Variants in NCALD observed in about 807,000 individuals in gnomAD.
The protein encoded by NCALD is neurocalcin delta.
Under a neutral mutation model 18.6 loss-of-function variants are expected in NCALD, and 10 were observed. That is an observed-to-expected ratio of 0.54 (90% CI 0.33 to 0.91). The LOEUF (loss-of-function observed/expected upper bound fraction) is 0.91, where lower values mean the gene tolerates loss of function less well. NCALD is among the 40% of genes least tolerant of loss of function. The probability of loss-of-function intolerance (pLI) is 0.03; values close to 1 mark genes in which losing one functional copy is unlikely to be tolerated. For missense variants in NCALD, 184 were observed against 247.6 expected (o/e 0.74, Z 1.72); for synonymous variants, 88 against 87.4 (o/e 1.01, Z -0.04).
chr8:102,092,643 T>C lies in NCALD; in HGVS notation c.-210+31594A>G, dbSNP rs188342493. Among the ~76,000 whole-genome samples the C allele has an allele frequency of 3.2e-3, 495 of 152,342 alleles. 10 individuals are homozygous for C. The highest frequency in any genetic ancestry group is 1.1e-3 in the Non-Finnish European group (76 of 68,030). ...ATCCTGTCACAGCAACAAGCCTTTTTTCATGCTCCTCCCACATTGACCTTC... is the reference window on the plus strand; with the variant it reads ...ATCCTGTCACAGCAACAAGCCTTTTCTCATGCTCCTCCCACATTGACCTTC... On this transcript the variant is annotated intron_variant, in intron 1 of 6. Transcript: ENST00000311028.
In NCALD at chr8:102,117,007, G is replaced by A. The variant is rs538501084; in HGVS notation, c.-210+7230C>T. On this transcript the variant is annotated intron_variant, in intron 1 of 6. Coordinates refer to the NCALD transcript ENST00000311028. ...AGCAGGAAGCAATGTGACGTGCAGC[G>A]CAGCTCTAGTGATGCAACCTCATGC... Among the ~76,000 whole-genome samples, 22 of 152,290 alleles carry A rather than the reference G, an allele frequency of 1.4e-4. No individual in the cohort carries two copies. The East Asian group carries it at 3.9e-3, about 27-fold the overall frequency.
intron 2 of NCALD, among the ~76,000 whole-genome samples, chr8:101,974,295 T>G (rs1820344195): frequency 6.6e-6 from 1 of 152,198 alleles, no homozygotes; most frequent in African/African-American, 2.4e-5. Context: ...CTTTTTAAAT[T>G]TTATGATCTT....
intron 1 of NCALD, among the ~76,000 whole-genome samples, chr8:101,760,729 G>C (rs527315874): frequency 1.0e-3 from 152 of 152,266 alleles, no homozygotes; most frequent in African/African-American, 3.3e-3. Context: ...CTTGCCATAA[G>C]CAGTAGTAAT....
chr8:101,985,576 CAAAG>C (rs1820778010), intron 2 of NCALD, among the ~76,000 whole-genome samples: 1 of 152,110 alleles, frequency 6.6e-6, no homozygotes, highest in Non-Finnish European at 1.5e-5. Context: ...CTAAATATAA[CAAAG>C]AAAAGCAGTT....
chr8:101,702,257 G>T (rs904136531), intron 2 of NCALD, among the ~76,000 whole-genome samples: 6 of 151,448 alleles, frequency 4.0e-5, no homozygotes, highest in African/African-American at 7.3e-5. Context: ...TTGAGACAGG[G>T]TCTCACTCTG....
At chr8:101,828,941 G>T (rs540239739) in intron 4 of NCALD, among the ~76,000 whole-genome samples, 4 of 150,502 alleles carry the variant, frequency 2.7e-5, no homozygotes, top group Non-Finnish European at 5.9e-5. Flanking sequence ...GGGTGGGTGG[G>T]TGGACAGAAG....
intron 2 of NCALD, among the ~76,000 whole-genome samples, chr8:101,989,651 G>A (rs112933588): frequency 0.011 from 1,631 of 152,246 alleles, 6 homozygotes; most frequent in African/African-American, 0.016. Flanking sequence ...TTAGATTGAC[G>A]GACTATAGCC....
At chr8:101,836,918 T>C (rs1417934046) in intron 4 of NCALD, among the ~76,000 whole-genome samples, 1 of 152,238 alleles carries the variant, frequency 6.6e-6, no homozygotes, top group Non-Finnish European at 1.5e-5. Context: ...TCTTGATAGA[T>C]TCTAAATAAG....
chr8:101,932,527 C>T (rs1467859906), intron 2 of NCALD, among the ~76,000 whole-genome samples: 1 of 152,162 alleles, frequency 6.6e-6, no homozygotes, highest in Non-Finnish European at 1.5e-5. Context: ...GCAAGCTGTG[C>T]AAATGAAGGA....
At chr8:101,745,689 T>C (rs962326975) in intron 1 of NCALD, 3 of 152,244 alleles carry the variant, frequency 2.0e-5, no homozygotes, top group Non-Finnish European at 4.4e-5. Context: ...CGTCTCTAAC[T>C]CATCCAAGGG....
chr8:101,971,235 T>A (rs952017131), intron 2 of NCALD, among the ~76,000 whole-genome samples: 1 of 152,080 alleles, frequency 6.6e-6, no homozygotes, highest in African/African-American at 2.4e-5. Context: ...GCACGAGATG[T>A]CAGTGTGTAT....
chr8:101,806,228 G>C (rs1171839265), intron 4 of NCALD, among the ~76,000 whole-genome samples: 1 of 152,060 alleles, frequency 6.6e-6, no homozygotes, highest in Non-Finnish European at 1.5e-5. Context: ...CTCCAGAGAA[G>C]AGAGAAGAAT....
At chr8:101,719,762 A>G (rs1473915533) in intron 1 of NCALD, 114 bp from the exon 2 acceptor site, 6 of 971,608 alleles carry the variant, frequency 6.2e-6, no homozygotes, top group Non-Finnish European at 8.8e-6. Flanking sequence ...TAAACTCTAT[A>G]CGAGTCCAGT....
At chr8:101,907,056 T>C (rs73280899) in intron 3 of NCALD, among the ~76,000 whole-genome samples, 7,034 of 152,314 alleles carry the variant, frequency 0.046, 262 homozygotes, top group African/African-American at 0.1. Flanking sequence ...TTGATCCTAT[T>C]TTTATTTAAA....
At chr8:101,956,969 G>T (rs1381876518) in intron 2 of NCALD, among the ~76,000 whole-genome samples, 1 of 152,124 alleles carries the variant, frequency 6.6e-6, no homozygotes, top group Non-Finnish European at 1.5e-5. Context: ...ATATTTAAAT[G>T]AAATGTTAAT....
intron 2 of NCALD, among the ~76,000 whole-genome samples, chr8:101,932,153 G>T (rs919848421): frequency 6.6e-6 from 1 of 152,152 alleles, no homozygotes; most frequent in African/African-American, 2.4e-5. Context: ...ACAGTGCTCT[G>T]CCAGTTGTGT....
At chr8:101,940,956 C>T (rs1057312990) in intron 2 of NCALD, among the ~76,000 whole-genome samples, 1 of 152,106 alleles carries the variant, frequency 6.6e-6, no homozygotes, top group Non-Finnish European at 1.5e-5. Flanking sequence ...ATTAAGAATG[C>T]TTATTAAAAG....
intron 2 of NCALD, among the ~76,000 whole-genome samples, chr8:101,947,971 T>C (rs1819242582): frequency 6.6e-6 from 1 of 152,182 alleles, no homozygotes; most frequent in African/African-American, 2.4e-5. Context: ...AAAACTGTGT[T>C]GAAATCTGAG....
At chr8:101,691,003 C>G (rs1388485420) in intron 3 of NCALD, 2 of 985,186 alleles carry the variant, frequency 2.0e-6, no homozygotes, top group Admixed American at 6.1e-5. Context: ...GCCTGAGGGC[C>G]CAGATTTTTC....
Sources: gnomAD v4.1 joint callset for allele counts (sites outside exome capture counted in the v4.1 genomes callset) on GRCh38, gnomAD v4.1.1 for gene constraint, MANE v1.5 for transcripts, NCBI Gene and HGNC (gene_info 2026-07-23, HGNC 2026-07-21) for gene names.